The following SENP2 variants were observed in gnomAD, a reference collection of about 807,000 sequenced individuals.
SENP2 encodes SUMO specific peptidase 2.
In SENP2, 16 loss-of-function variants were observed where a neutral mutation model predicts 86.3. That is an observed-to-expected ratio of 0.19 (90% CI 0.13 to 0.28). The LOEUF is 0.28. Among genes scored for constraint, SENP2 ranks in the 10% least tolerant of loss-of-function variants. The probability of loss-of-function intolerance (pLI) is 1.00; values close to 1 mark genes in which losing one functional copy is unlikely to be tolerated. For missense variants in SENP2, 552 were observed against 703.0 expected, an observed-to-expected ratio of 0.79 and a Z score of 2.43; for synonymous variants, 222 against 238.7, an observed-to-expected ratio of 0.93 and a Z score of 0.64.
rs2148998635 is a variant in SENP2, at chr3:185,631,175, A to ATTTACCTCTT, written c.*1331_*1332insTTTACCTCTT. 6.6e-6 allele frequency: 1 copy of ATTTACCTCTT among 152,260 alleles called. No homozygotes were observed. The highest frequency in any genetic ancestry group is 2.4e-5 in the African/African-American group (1 of 41,538). The allele number at this position is 152,260 out of a possible 1,614,324, so 9.4% of individuals were successfully genotyped here. A position where few individuals can be genotyped will look rare whatever the true frequency, so the allele number is the denominator to read the frequency against. On this transcript the variant is annotated 3_prime_UTR_variant, in exon 17 of 17. Coordinates refer to ENST00000296257, the MANE Select transcript of SENP2 (RefSeq NM_021627.3). ...ACTTGTTCTGGTTCATAAAAGCAAGAGGTAAAACTGGAAAAATTGTGCACG... is the reference window on the plus strand; with the variant it reads ...ACTTGTTCTGGTTCATAAAAGCAAGATTTACCTCTTGGTAAAACTGGAAAAATTGTGCACG...
chr3:185,629,497 G>C (rs924700618), intron 16 of SENP2, among the ~76,000 whole-genome samples: 1 of 151,042 alleles, frequency 6.6e-6, no homozygotes, highest in Non-Finnish European at 1.5e-5. Flanking sequence ...AGAATCGCTC[G>C]AACCCAGGAG....
intron 2 of SENP2, among the ~76,000 whole-genome samples, chr3:185,596,441 G>A (rs1045777440): frequency 2.0e-5 from 3 of 151,926 alleles, no homozygotes; most frequent in Non-Finnish European, 2.9e-5. Context: ...GCAACATAGT[G>A]AGACCTGCCT....
chr3:185,590,161 C>G lies in SENP2; in HGVS notation c.149C>G (p.Pro50Arg). 1 of 1,543,658 alleles carries G rather than the reference C, an allele frequency of 6.5e-7. No individual in the cohort carries two copies. Residue 50 changes from proline (P) to arginine (R), a missense_variant, in exon 2 of 17, where the codon CCA becomes CGA. Coordinates refer to ENST00000296257, the MANE Select transcript of SENP2 (RefSeq NM_021627.3). ...VDTDEIPAKR[P>R]RLDCFIHQVK... ...ACTGATGAAATACCAGCCAAAAGAC[C>G]AAGATTAGGTACTGAATATAAATTT...
chr3:185,628,196 T>A (rs1712234977), intron 16 of SENP2, among the ~76,000 whole-genome samples: 1 of 150,964 alleles, frequency 6.6e-6, no homozygotes, highest in African/African-American at 2.4e-5. Flanking sequence ...GAGTGCAGTG[T>A]GGTGTGATCT....
At chr3:185,612,720 G>A in intron 9 of SENP2, 62 bp downstream of exon 9, 8 of 1,167,418 alleles carry the variant, frequency 6.9e-6, no homozygotes, top group South Asian at 4.0e-5. Context: ...TTTATAAGCT[G>A]TATTTATGAG....
At chr3:185,619,556 T>A (rs1489975563) in intron 13 of SENP2, 54 bp downstream of exon 13, 16 of 1,463,098 alleles carry the variant, frequency 1.1e-5, no homozygotes, top group African/African-American at 9.8e-5. Flanking sequence ...GGCCATTTTT[T>A]AAAAATAATG....
In SENP2 at chr3:185,592,789, G is replaced by A. The variant is rs557714436; in HGVS notation, c.157+2620G>A. On this transcript the variant is annotated intron_variant, in intron 2 of 16. Coordinates refer to ENST00000296257, the MANE Select transcript of SENP2 (RefSeq NM_021627.3). The stretch of plus-strand genomic sequence containing the variant: ...CCACCACCACACCCGGCTAATTTTT[G>A]TATTTTTAGTAGAGACAGGGTTTCG... Among the ~76,000 whole-genome samples, 82 of 152,176 alleles carry A rather than the reference G, an allele frequency of 5.4e-4. 1 individual carries two copies. The highest frequency in any genetic ancestry group is 1.7e-3 in the African/African-American group (72 of 41,532).
At chr3:185,593,454 G>T (rs189783486) in intron 2 of SENP2, among the ~76,000 whole-genome samples, 28 of 152,096 alleles carry the variant, frequency 1.8e-4, no homozygotes, top group African/African-American at 4.6e-4. Flanking sequence ...AAATTCATTA[G>T]AACAGTATTT....
intron 4 of SENP2, among the ~76,000 whole-genome samples, 180 bp downstream of exon 4, chr3:185,599,204 T>G (rs575739796): frequency 3.2e-4 from 49 of 152,328 alleles, no homozygotes; most frequent in Admixed American, 1.8e-3. Flanking sequence ...TTACTGTTGT[T>G]TTTTGTTTGT....
chr3:185,623,834 A>AAAAAAAAC, intron 14 of SENP2, among the ~76,000 whole-genome samples, 164 bp from the exon 15 acceptor site: 1 of 151,070 alleles, frequency 6.6e-6, no homozygotes, highest in South Asian at 2.1e-4. Context: ...CTCAAAAAAA[A>AAAAAAAAC]AAAAAAAAAA....
intron 1 of SENP2, 25 bp from the exon 2 acceptor site, chr3:185,590,089 A>ATTTTTTTT: frequency 7.6e-7 from 1 of 1,313,760 alleles, no homozygotes; most frequent in Non-Finnish European, 1.0e-6. Context: ...CTATATATAT[A>ATTTTTTTT]TATTTTTTTC....
At chr3:185,621,179 AG>A (rs1711853761) in intron 13 of SENP2, among the ~76,000 whole-genome samples, 4 of 127,776 alleles carry the variant, frequency 3.1e-5, no homozygotes, top group African/African-American at 1.1e-4. Context: ...AAAAAAAAAG[AG>A]AGAGAGAAAG....
rs1175729768 is a variant in SENP2, at chr3:185,631,427, C to T, written c.*1583C>T. ...GGGAGCAGGTTGTACCACACCTCTC[C>T]CCCCCCCCTCCCACTCCCCCTCCCT... On this transcript the variant is annotated 3_prime_UTR_variant, in exon 17 of 17. Coordinates refer to ENST00000296257, the MANE Select transcript of SENP2 (RefSeq NM_021627.3). The T allele has an allele frequency of 2.4e-4, 4 of 16,674 alleles. No individual in the cohort carries two copies. Among genetic ancestry groups the T allele is most frequent in the African/African-American group, 1.4e-3 (3 of 2,218 alleles). The allele number at this position is 16,674 out of a possible 1,614,324, so 1.0% of individuals were successfully genotyped here. A position where few individuals can be genotyped will look rare whatever the true frequency, so the allele number is the denominator to read the frequency against.
intron 10 of SENP2, among the ~76,000 whole-genome samples, chr3:185,614,228 C>A (rs1451570072): frequency 1.3e-5 from 2 of 152,100 alleles, no homozygotes; most frequent in African/African-American, 4.8e-5. Context: ...GATTGTGGGT[C>A]ATATTTTTTG....
intron 1 of SENP2, among the ~76,000 whole-genome samples, chr3:185,589,662 T>G (rs1175068325): frequency 6.6e-6 from 1 of 152,170 alleles, no homozygotes; most frequent in Non-Finnish European, 1.5e-5. Flanking sequence ...TTTGTTTTGC[T>G]TTTATTTTTA....
chr3:185,613,469 C>A, intron 10 of SENP2, 61 bp downstream of exon 10: 2 of 1,039,624 alleles, frequency 1.9e-6, no homozygotes, highest in South Asian at 1.4e-5. Context: ...TGTTTTGGTG[C>A]CCATGAAAAG....
intron 6 of SENP2, chr3:185,606,984 TC>T (rs1287389896): frequency 8.4e-6 from 2 of 237,608 alleles, no homozygotes; most frequent in Non-Finnish European, 1.7e-5. Context: ...ATTTCTTTTT[TC>T]CTTTTTTTTT....
At chr3:185,612,846 G>C (rs1722740977) in intron 9 of SENP2, among the ~76,000 whole-genome samples, 188 bp downstream of exon 9, 1 of 152,228 alleles carries the variant, frequency 6.6e-6, no homozygotes, top group Non-Finnish European at 1.5e-5. Flanking sequence ...TGGGTTGAGG[G>C]GGGTGCCCCT....
At position 185,600,771 on chromosome 3, in the gene SENP2, A is replaced by C. The variant is rs1722318792; in HGVS notation, c.365A>C (p.Lys122Thr). 6.3e-7 allele frequency: 1 copy of C among 1,594,084 alleles called. No homozygotes were observed. The highest frequency in any genetic ancestry group is 8.6e-7 in the Non-Finnish European group (1 of 1,163,348). Residue 122 changes from lysine to threonine, a missense_variant, in exon 5 of 17, where the codon AAA (lysine) becomes ACA (threonine). Transcript: ENST00000296257. ...SWNNMLKLGN[K>T]SPNGISDYPK... Reference sequence around the variant, plus strand: ...AAATGCATTTTTTAAATAGGTAATAAATCTCCTAATGGAATAAGTGACTAT... The same window carrying C: ...AAATGCATTTTTTAAATAGGTAATACATCTCCTAATGGAATAAGTGACTAT...
Sources: allele counts gnomAD v4.1 joint callset (sites outside exome capture counted in the v4.1 genomes callset), GRCh38; gene constraint gnomAD v4.1.1; transcripts MANE v1.5; gene names NCBI Gene and HGNC (gene_info 2026-07-23, HGNC 2026-07-21).